The following RABEP1 variants were observed in gnomAD, a reference collection of about 807,000 sequenced individuals.
RABEP1 encodes the protein rabaptin, RAB GTPase binding effector protein 1, also known as rab GTPase-binding effector protein 1.
RABEP1 carries 51 observed loss-of-function variants against 123.4 expected under a neutral mutation model. The observed-to-expected ratio is 0.41, with a 90% CI of 0.33 to 0.52. RABEP1 has a LOEUF of 0.52. RABEP1 is among the 20% of genes least tolerant of loss of function. RABEP1 has a pLI of 0.16. For missense variants in RABEP1, 888 were observed against 996.3 expected (o/e 0.89, Z 1.46); for synonymous variants, 347 against 355.2 (o/e 0.98, Z 0.26).
rs184755258 is a variant in RABEP1 at position 5,363,213 on chromosome 17, T to G, written c.1668+197T>G. Among the ~76,000 whole-genome samples, 923 of 151,506 alleles carry G rather than the reference T, an allele frequency of 6.1e-3. 7 individuals are homozygous for G. Among genetic ancestry groups the G allele is most frequent in the African/African-American group, 0.021 (861 of 41,320 alleles). On this transcript the variant is annotated intron_variant, in intron 10 of 17. Coordinates refer to ENST00000537505, the MANE Select transcript of RABEP1 (RefSeq NM_004703.6). ...TCACTAGGACTCTGCTTTTTTTTTT[T>G]TTGTTTTTGTTTTTGTTTGTTTTTT... is the stretch of plus-strand genomic sequence containing the variant.
At chr17:5,289,419 C>CTT (rs74266330) in intron 1 of RABEP1, among the ~76,000 whole-genome samples, 11 of 132,614 alleles carry the variant, frequency 8.3e-5, no homozygotes, top group African/African-American at 1.1e-4. Context: ...TAGATCTGAC[C>CTT]TTTTTTTTTT....
At chr17:5,299,718 TCTTTTTCTTTTTC>T (rs2075116189) in intron 1 of RABEP1, among the ~76,000 whole-genome samples, 1 of 113,942 alleles carries the variant, frequency 8.8e-6, no homozygotes, top group Non-Finnish European at 1.8e-5. Flanking sequence ...TTTTTTCTTT[TCTTTTTCTTTTTC>T]TTTTTTTTTT....
At chr17:5,287,342 T>C (rs1360367340) in intron 1 of RABEP1, among the ~76,000 whole-genome samples, 1 of 152,166 alleles carries the variant, frequency 6.6e-6, no homozygotes, top group Non-Finnish European at 1.5e-5. Context: ...CTCACGCCTG[T>C]AATCCCAGCA....
At chr17:5,365,041 TA>T (rs546189720) in intron 10 of RABEP1, 80 bp from the exon 11 acceptor site, 1,786 of 800,984 alleles carry the variant, frequency 2.2e-3, no homozygotes, top group East Asian at 7.1e-3. Flanking sequence ...GATTTTTTTT[TA>T]AAATTCTGGA....
chr17:5,376,469 G>A (rs893436586), intron 13 of RABEP1, among the ~76,000 whole-genome samples: 7 of 152,110 alleles, frequency 4.6e-5, no homozygotes, highest in South Asian at 2.1e-4. Context: ...TGAGAATCTC[G>A]TTTTTACTTT....
chr17:5,377,768 C>G (rs1369890540), intron 14 of RABEP1, among the ~76,000 whole-genome samples: 1 of 152,140 alleles, frequency 6.6e-6, no homozygotes, highest in African/African-American at 2.4e-5. Flanking sequence ...CTCAGGTGAT[C>G]TGCCTGCCTC....
intron 2 of RABEP1, among the ~76,000 whole-genome samples, chr17:5,330,835 C>G (rs1906462808): frequency 6.6e-6 from 1 of 151,998 alleles, no homozygotes; most frequent in African/African-American, 2.4e-5. Context: ...CCAGCCTGGG[C>G]AGCGTAGTGA....
intron 5 of RABEP1, among the ~76,000 whole-genome samples, chr17:5,342,689 CT>C (rs1263486128): frequency 6.6e-6 from 1 of 152,138 alleles, no homozygotes; most frequent in African/African-American, 2.4e-5. Context: ...TAATTAGGAA[CT>C]TGATAATTCA....
chr17:5,301,503 A>C (rs984526314), intron 1 of RABEP1, among the ~76,000 whole-genome samples: 1 of 152,170 alleles, frequency 6.6e-6, no homozygotes, highest in African/African-American at 2.4e-5. Context: ...ACCTGTCCAC[A>C]AACTGTTTTT....
intron 1 of RABEP1, among the ~76,000 whole-genome samples, chr17:5,305,212 T>A (rs1192759628): frequency 6.7e-6 from 1 of 148,588 alleles, no homozygotes; most frequent in Non-Finnish European, 1.5e-5. Context: ...AAAAGCAGTT[T>A]TTTTTGTCTT....
chr17:5,298,715 G>GT (rs2075105717), intron 1 of RABEP1, among the ~76,000 whole-genome samples: 1 of 147,972 alleles, frequency 6.8e-6, no homozygotes, highest in Non-Finnish European at 1.5e-5. Flanking sequence ...GAGTGCAGTA[G>GT]CGAGATCTCA....
intron 5 of RABEP1, among the ~76,000 whole-genome samples, chr17:5,346,005 T>C (rs1299345654): frequency 6.6e-6 from 1 of 152,212 alleles, no homozygotes; most frequent in African/African-American, 2.4e-5. Flanking sequence ...ATATTGTTAC[T>C]ATTTTGAGTA....
intron 13 of RABEP1, among the ~76,000 whole-genome samples, chr17:5,374,990 T>C (rs959606789): frequency 1.3e-5 from 2 of 152,080 alleles, no homozygotes; most frequent in African/African-American, 4.8e-5. Flanking sequence ...TTGGCCAGGC[T>C]GGTCTCGAAC....
chr17:5,377,318 G>A lies in RABEP1; in HGVS notation c.2215+13G>A. ...AAGGAGGAAATAGGTGAAGATAAAA[G>A]TGATGTAGTTTAGAATTAGAGTCAC... On this transcript the variant is annotated intron_variant, in intron 14 of 17. Coordinates refer to ENST00000537505, the MANE Select transcript of RABEP1 (RefSeq NM_004703.6). 2 of 1,566,434 alleles carry A rather than the reference G, an allele frequency of 1.3e-6. No homozygotes were observed. Among genetic ancestry groups the A allele is most frequent in the South Asian group, 1.2e-5 (1 of 82,562 alleles).
At chr17:5,282,770 A>AGGCTGCTGGGTAGCGTGGGGT (rs780857574) in intron 1 of RABEP1, among the ~76,000 whole-genome samples, 233 of 147,744 alleles carry the variant, frequency 1.6e-3, no homozygotes, top group Middle Eastern at 3.4e-3. Flanking sequence ...GGGCGTGGGG[A>AGGCTGCTGGGTAGCGTGGGGT]GGCTGCTGGG....
In RABEP1 at chr17:5,338,005, C is replaced by CT; in HGVS notation, c.529-9dup. 3.1e-6 allele frequency: 5 copies of CT among 1,596,738 alleles called. No individual in the cohort carries two copies. The highest frequency in any genetic ancestry group is 1.4e-5 in the African/African-American group (1 of 73,854). On this transcript the variant is annotated splice_polypyrimidine_tract_variant and intron_variant, in intron 4 of 17. Transcript: ENST00000537505. The stretch of plus-strand genomic sequence containing the variant: ...AATGAATAAGTCGTAGCATTTAATT[C>CT]TTTTTAACCATAGGCCCAAGAGGAT...
chr17:5,382,986 T>C (rs1911621475), intron 17 of RABEP1, 136 bp from the exon 18 acceptor site: 2 of 671,158 alleles, frequency 3.0e-6, no homozygotes, highest in South Asian at 3.6e-5. Context: ...TTTAAAATTT[T>C]TAATTGTTCT....
At chr17:5,381,565 G>A in intron 17 of RABEP1, 60 bp downstream of exon 17, 2 of 1,558,950 alleles carry the variant, frequency 1.3e-6, no homozygotes, top group Non-Finnish European at 1.7e-6. Context: ...ACAGAACCTT[G>A]CCGATCCCTG....
chr17:5,358,755 CTTTTG>C (rs961117426), intron 8 of RABEP1, among the ~76,000 whole-genome samples: 2 of 151,560 alleles, frequency 1.3e-5, no homozygotes, highest in African/African-American at 4.8e-5. Context: ...GATGTGGGGT[CTTTTG>C]TTTTGTGTTT....
Sources: allele counts gnomAD v4.1 joint callset (sites outside exome capture counted in the v4.1 genomes callset), GRCh38; gene constraint gnomAD v4.1.1; transcripts MANE v1.5; gene names NCBI Gene and HGNC (gene_info 2026-07-23, HGNC 2026-07-21).